The following CCSER1 variants were observed in gnomAD, a reference collection of about 807,000 sequenced individuals.
CCSER1 encodes serine-rich coiled-coil domain-containing protein 1.
In CCSER1, 41 loss-of-function variants were observed where a neutral mutation model predicts 82.0. The observed-to-expected ratio is 0.50, with a 90% confidence interval of 0.39 to 0.65. The LOEUF is 0.65. CCSER1 is among the 30% of genes least tolerant of loss of function. The pLI is 0.00. For missense variants in CCSER1, 1,119 were observed against 1,064.2 expected, an observed-to-expected ratio of 1.05 and a Z score of -0.72; for synonymous variants, 414 against 383.9, an observed-to-expected ratio of 1.08 and a Z score of -0.92.
intron 8 of CCSER1, among the ~76,000 whole-genome samples, chr4:90,872,520 C>T (rs1276622886): frequency 6.6e-6 from 1 of 151,840 alleles, no homozygotes; most frequent in Non-Finnish European, 1.5e-5. Flanking sequence ...AACTTCATTC[C>T]ATCAGTTTTC....
Position 91,600,734 on chromosome 4 carries a change from T to A in CCSER1, c.*1677T>A, listed in dbSNP as rs2110365594. 6.6e-6 allele frequency: 1 copy of A among 152,300 alleles called. No individual in the cohort carries two copies. Among genetic ancestry groups the A allele is most frequent in the East Asian group, 1.9e-4 (1 of 5,184 alleles). 9.4% of individuals were successfully genotyped at this position (152,300 alleles called of 1,614,324 possible). A position where few individuals can be genotyped will look rare whatever the true frequency, so the allele number is the denominator to read the frequency against. On this transcript the variant is annotated 3_prime_UTR_variant, in exon 11 of 11. Transcript: ENST00000509176. ...CTGATAAAGTAAGGAGTCGAGTGGA[T>A]ATGTTGTACTTGTAATTTTGGTTTT...
At chr4:91,448,873 A>G (rs2149416746) in intron 10 of CCSER1, among the ~76,000 whole-genome samples, 1 of 152,256 alleles carries the variant, frequency 6.6e-6, no homozygotes, top group South Asian at 2.1e-4. Flanking sequence ...GAGGCAGACA[A>G]CAAAGGAATT....
At chr4:91,547,390 A>T (rs1054586381) in intron 10 of CCSER1, among the ~76,000 whole-genome samples, 4 of 152,164 alleles carry the variant, frequency 2.6e-5, no homozygotes, top group African/African-American at 9.7e-5. Flanking sequence ...GTTGTTAGGC[A>T]CATACACGTT....
chr4:91,297,387 G>GTGTGTGTGTGTGTGTGTA (rs1744288179), intron 10 of CCSER1, among the ~76,000 whole-genome samples: 3 of 76,788 alleles, frequency 3.9e-5, no homozygotes, highest in Non-Finnish European at 7.7e-5. Context: ...GTGTGTGTAT[G>GTGTGTGTGTGTGTGTGTA]TGTGTGTGTG....
At chr4:90,865,782 A>AT (rs1338967048) in intron 8 of CCSER1, among the ~76,000 whole-genome samples, 3 of 151,800 alleles carry the variant, frequency 2.0e-5, no homozygotes, top group Non-Finnish European at 4.4e-5. Flanking sequence ...CTCCATACAC[A>AT]TTTTTTACTG....
chr4:90,378,743 G>T (rs187827830), intron 3 of CCSER1, among the ~76,000 whole-genome samples: 2 of 152,256 alleles, frequency 1.3e-5, no homozygotes, highest in Admixed American at 1.3e-4. Context: ...TTCTGACATA[G>T]TTGTTTAGGT....
chr4:91,181,715 C>T (rs1232602128), intron 10 of CCSER1, among the ~76,000 whole-genome samples: 1 of 152,202 alleles, frequency 6.6e-6, no homozygotes, highest in Non-Finnish European at 1.5e-5. Context: ...TGTTGTGCAG[C>T]ACCTCTGTCT....
chr4:90,527,621 T>A (rs2153628566), intron 5 of CCSER1, among the ~76,000 whole-genome samples: 1 of 152,280 alleles, frequency 6.6e-6, no homozygotes, highest in African/African-American at 2.4e-5. Context: ...ATTAGACTTT[T>A]GCTATAATGG....
chr4:90,587,009 A>C (rs1782097284), intron 5 of CCSER1, among the ~76,000 whole-genome samples: 1 of 152,200 alleles, frequency 6.6e-6, no homozygotes, highest in South Asian at 2.1e-4. Flanking sequence ...GTTCCTTAAA[A>C]GTGAAACGGG....
chr4:90,780,701 G>A (rs1416490442), intron 7 of CCSER1: 2 of 1,311,652 alleles, frequency 1.5e-6, no homozygotes, highest in Non-Finnish European at 1.9e-6. Flanking sequence ...AAGACAAACG[G>A]TCAGGAGGCC....
intron 10 of CCSER1, among the ~76,000 whole-genome samples, chr4:91,467,944 C>A (rs372585264): frequency 6.6e-6 from 1 of 152,142 alleles, no homozygotes; most frequent in African/African-American, 2.4e-5. Context: ...GACAGTGTGG[C>A]GATTCCTCAG....
intron 6 of CCSER1, among the ~76,000 whole-genome samples, chr4:90,706,708 G>A (rs1167030290): frequency 2.0e-5 from 3 of 152,148 alleles, no homozygotes; most frequent in East Asian, 1.9e-4. Context: ...ATGCTATACA[G>A]CAAAACAAAA....
intron 9 of CCSER1, among the ~76,000 whole-genome samples, chr4:90,991,796 C>T (rs1283858814): frequency 6.6e-6 from 1 of 152,026 alleles, no homozygotes; most frequent in Non-Finnish European, 1.5e-5. Context: ...AGTCTAACTA[C>T]TTCCCCATCT....
chr4:90,801,523 T>C (rs1245765305), intron 7 of CCSER1, among the ~76,000 whole-genome samples: 1 of 152,188 alleles, frequency 6.6e-6, no homozygotes, highest in Non-Finnish European at 1.5e-5. Context: ...TATCCAAACA[T>C]TCTTCCTCAA....
chr4:91,109,765 C>G (rs1453543357), intron 10 of CCSER1, among the ~76,000 whole-genome samples: 1 of 152,002 alleles, frequency 6.6e-6, no homozygotes, highest in Non-Finnish European at 1.5e-5. Context: ...CAGAGTAATT[C>G]ATAAATGTTT....
chr4:90,716,176 G>A (rs1457560198), intron 6 of CCSER1, among the ~76,000 whole-genome samples: 1 of 151,558 alleles, frequency 6.6e-6, no homozygotes, highest in Admixed American at 6.6e-5. Context: ...TGCTAAAATT[G>A]GTGGCCTCTG....
At chr4:90,300,887 G>A (rs983499546) in intron 1 of CCSER1, among the ~76,000 whole-genome samples, 1 of 152,142 alleles carries the variant, frequency 6.6e-6, no homozygotes, top group East Asian at 1.9e-4. Flanking sequence ...GTGCAATGGT[G>A]CTATTGTGGT....
At chr4:90,349,366 GA>G (rs1410602883) in intron 3 of CCSER1, among the ~76,000 whole-genome samples, 6 of 152,012 alleles carry the variant, frequency 3.9e-5, no homozygotes, top group Non-Finnish European at 8.8e-5. Flanking sequence ...AAGATCTTAG[GA>G]ATAATAAAAT....
chr4:90,396,203 A>T (rs962606761), intron 3 of CCSER1, among the ~76,000 whole-genome samples: 2 of 152,128 alleles, frequency 1.3e-5, no homozygotes, highest in African/African-American at 4.8e-5. Flanking sequence ...CTTAGTTATC[A>T]CTCTACTTCT....
Sources: allele counts gnomAD v4.1 joint callset (sites outside exome capture counted in the v4.1 genomes callset), GRCh38; gene constraint gnomAD v4.1.1; transcripts MANE v1.5; gene names NCBI Gene and HGNC (gene_info 2026-07-23, HGNC 2026-07-21).